ITGBL1: variants seen among roughly 807,000 people sequenced by gnomAD.
ITGBL1 encodes integrin subunit beta like 1.
Under a neutral mutation model 68.5 loss-of-function variants are expected in ITGBL1, and 51 were observed. That is an observed-to-expected ratio of 0.74 (90% CI 0.59 to 0.94). The LOEUF (loss-of-function observed/expected upper bound fraction) is 0.94, where lower values mean the gene tolerates loss of function less well. Among genes scored for constraint, ITGBL1 ranks in the 40% least tolerant of loss-of-function variants. The probability of loss-of-function intolerance (pLI) is 0.00; values close to 1 mark genes in which losing one functional copy is unlikely to be tolerated. For synonymous variants in ITGBL1, 209 were observed against 227.3 expected (o/e 0.92, Z 0.72); for missense variants, 649 against 647.4 (o/e 1.00, Z -0.03).
intron 2 of ITGBL1, among the ~76,000 whole-genome samples, chr13:101,564,638 T>C (rs1233686901): frequency 6.7e-6 from 1 of 149,638 alleles, no homozygotes; most frequent in African/African-American, 2.4e-5. Context: ...TATATGTTTT[T>C]ATATATACAT....
intron 2 of ITGBL1, among the ~76,000 whole-genome samples, chr13:101,563,305 A>C (rs1317811068): frequency 6.6e-6 from 1 of 151,554 alleles, no homozygotes; most frequent in Non-Finnish European, 1.5e-5. Flanking sequence ...GATTAGAGAA[A>C]AAAATAGTGA....
At chr13:101,619,636 G>A (rs911394332) in intron 7 of ITGBL1, among the ~76,000 whole-genome samples, 11 of 152,108 alleles carry the variant, frequency 7.2e-5, no homozygotes, top group Admixed American at 7.2e-4. Flanking sequence ...AAAGTTTGTG[G>A]TAATTTGTTA....
At chr13:101,511,771 C>T (rs9582497) in intron 2 of ITGBL1, among the ~76,000 whole-genome samples, 55,721 of 151,982 alleles carry the variant, frequency 0.37, 10,838 homozygotes, top group Non-Finnish European at 0.43. Flanking sequence ...TGCAGCCAGA[C>T]ATGCACCTTC....
intron 2 of ITGBL1, among the ~76,000 whole-genome samples, chr13:101,507,451 A>G (rs879589205): frequency 5.9e-5 from 9 of 152,220 alleles, no homozygotes; most frequent in African/African-American, 1.2e-4. Context: ...GCTTCAAATA[A>G]TACCTATTTC....
intron 2 of ITGBL1, among the ~76,000 whole-genome samples, chr13:101,541,038 C>G (rs2139185467): frequency 7.5e-6 from 1 of 133,016 alleles, no homozygotes; most frequent in South Asian, 2.7e-4. Flanking sequence ...TAATTGAATA[C>G]CCTTTATTTC....
intron 7 of ITGBL1, among the ~76,000 whole-genome samples, chr13:101,644,881 A>C (rs2032509151): frequency 6.6e-6 from 1 of 152,340 alleles, no homozygotes; most frequent in East Asian, 1.9e-4. Context: ...ATACCTTAAG[A>C]ACTAGATTCT....
chr13:101,687,891 C>T (rs1162984205), intron 7 of ITGBL1, among the ~76,000 whole-genome samples: 6 of 151,886 alleles, frequency 4.0e-5, no homozygotes, highest in Non-Finnish European at 7.4e-5. Flanking sequence ...TTGGGTATCT[C>T]TTTTTTTAGA....
chr13:101,531,047 A>T (rs74239837), intron 2 of ITGBL1, among the ~76,000 whole-genome samples: 8 of 151,870 alleles, frequency 5.3e-5, no homozygotes, highest in African/African-American at 1.7e-4. Flanking sequence ...ATATTAGAGG[A>T]TTTTTTTTAT....
At chr13:101,583,715 C>T (rs929169473) in intron 6 of ITGBL1, among the ~76,000 whole-genome samples, 1 of 152,100 alleles carries the variant, frequency 6.6e-6, no homozygotes, top group African/African-American at 2.4e-5. Flanking sequence ...TGCATATTTC[C>T]CTGTTTTCAA....
intron 2 of ITGBL1, among the ~76,000 whole-genome samples, chr13:101,474,614 G>A (rs965794289): frequency 5.3e-5 from 8 of 152,160 alleles, no homozygotes; most frequent in African/African-American, 1.9e-4. Context: ...TGAGCCTTGG[G>A]TGAGACCTAG....
intron 2 of ITGBL1, among the ~76,000 whole-genome samples, chr13:101,467,720 A>T (rs757056838): frequency 5.1e-4 from 77 of 152,326 alleles, no homozygotes; most frequent in Non-Finnish European, 9.3e-4. Flanking sequence ...CTCTTAGGTT[A>T]TACGATAAAA....
At chr13:101,587,469 A>G (rs2050576203) in intron 6 of ITGBL1, among the ~76,000 whole-genome samples, 1 of 152,182 alleles carries the variant, frequency 6.6e-6, no homozygotes, top group African/African-American at 2.4e-5. Context: ...ATGAATGGGC[A>G]TCCTGACGTG....
At chr13:101,586,191 C>G (rs867181929) in intron 6 of ITGBL1, among the ~76,000 whole-genome samples, 2 of 152,178 alleles carry the variant, frequency 1.3e-5, no homozygotes, top group East Asian at 1.9e-4. Flanking sequence ...CCCTCCAACC[C>G]CTCTTCCCTG....
At chr13:101,624,076 ATATGCT>A (rs1207223121) in intron 7 of ITGBL1, among the ~76,000 whole-genome samples, 11 of 152,136 alleles carry the variant, frequency 7.2e-5, no homozygotes, top group African/African-American at 2.7e-4. Context: ...ATTCCTGGAG[ATATGCT>A]TAGATGTTTA....
chr13:101,524,843 A>G (rs939720582), intron 2 of ITGBL1, among the ~76,000 whole-genome samples: 2 of 152,042 alleles, frequency 1.3e-5, no homozygotes, highest in Admixed American at 1.3e-4. Context: ...GTAATTATTT[A>G]ATTAACATCT....
chr13:101,506,805 C>G (rs2049033605), intron 2 of ITGBL1, among the ~76,000 whole-genome samples: 1 of 152,150 alleles, frequency 6.6e-6, no homozygotes, highest in South Asian at 2.1e-4. Context: ...TCTCTCTTGA[C>G]TGTAAACTAA....
chr13:101,531,073 G>A (rs1367694599), intron 2 of ITGBL1, among the ~76,000 whole-genome samples: 2 of 151,814 alleles, frequency 1.3e-5, no homozygotes, highest in Non-Finnish European at 2.9e-5. Context: ...AAACTTTGGA[G>A]GCATACAGGA....
intron 2 of ITGBL1, among the ~76,000 whole-genome samples, chr13:101,482,508 A>G (rs550349302): frequency 2.6e-5 from 4 of 152,150 alleles, no homozygotes; most frequent in Non-Finnish European, 5.9e-5. Context: ...TTAGTTTTTT[A>G]TGTACCTATG....
intron 2 of ITGBL1, among the ~76,000 whole-genome samples, chr13:101,499,914 A>G (rs1259027018): frequency 6.6e-6 from 1 of 152,180 alleles, no homozygotes; most frequent in East Asian, 1.9e-4. Flanking sequence ...GCCTCCTTCC[A>G]CTGGCTCTTC....
Sources: allele counts gnomAD v4.1 joint callset (sites outside exome capture counted in the v4.1 genomes callset), GRCh38; gene constraint gnomAD v4.1.1; transcripts MANE v1.5; gene names NCBI Gene and HGNC (gene_info 2026-07-23, HGNC 2026-07-21).